Variants in ZBTB10 observed in about 807,000 individuals in gnomAD.
The protein encoded by ZBTB10 is zinc finger and BTB domain containing 10, also known as zinc finger and BTB domain-containing protein 10.
In ZBTB10, 32 loss-of-function variants were observed where a neutral mutation model predicts 76.4. The ratio of observed to expected loss-of-function variants is 0.42; its 90% CI spans 0.32 to 0.56. ZBTB10 has a LOEUF of 0.56. Among genes scored for constraint, ZBTB10 ranks in the 20% least tolerant of loss-of-function variants. The probability of loss-of-function intolerance (pLI) is 0.14; values close to 1 mark genes in which losing one functional copy is unlikely to be tolerated. For synonymous variants in ZBTB10, 523 were observed against 432.9 expected (o/e 1.21, Z -2.58); for missense variants, 1,057 against 1,098.5 (o/e 0.96, Z 0.53).
chr8:80,495,717 C>T (rs1358794079), intron 1 of ZBTB10, among the ~76,000 whole-genome samples: 1 of 152,080 alleles, frequency 6.6e-6, no homozygotes, highest in East Asian at 1.9e-4. Flanking sequence ...ACTTTTCAAG[C>T]ATTTTCCTTT....
Position 80,486,763 on chromosome 8 carries a change from G to T in ZBTB10, c.-48G>T, listed in dbSNP as rs1179395067. The T allele has an allele frequency of 7.7e-7, 1 of 1,301,924 alleles. No homozygotes were observed. The highest frequency in any genetic ancestry group is 9.7e-7 in the Non-Finnish European group (1 of 1,026,134). The allele number at this position is 1,301,924 out of a possible 1,614,324, so 80.6% of individuals were successfully genotyped here. A position where few individuals can be genotyped will look rare whatever the true frequency, so the allele number is the denominator to read the frequency against. ...GGGAGCGCGCGGGACGCGGCCCGAGGCCGTGCGCGAGCCGGGGCACCGGGC... is the reference window on the plus strand; with the variant it reads ...GGGAGCGCGCGGGACGCGGCCCGAGTCCGTGCGCGAGCCGGGGCACCGGGC... On this transcript the variant is annotated 5_prime_UTR_variant, in exon 1 of 6. Transcript: ENST00000455036.
At chr8:80,515,310 T>C (rs1234795657) in intron 3 of ZBTB10, among the ~76,000 whole-genome samples, 1 of 152,184 alleles carries the variant, frequency 6.6e-6, no homozygotes, top group Non-Finnish European at 1.5e-5. Context: ...TTTATTAGCT[T>C]TGGAATTCTT....
intron 1 of ZBTB10, 114 bp from the exon 2 acceptor site, chr8:80,499,380 A>T: frequency 8.5e-7 from 1 of 1,182,032 alleles, no homozygotes; most frequent in Middle Eastern, 2.6e-4. Context: ...GATTACTCAC[A>T]AATTAATATA....
intron 2 of ZBTB10, among the ~76,000 whole-genome samples, chr8:80,509,947 G>A (rs191755715): frequency 1.3e-5 from 2 of 152,106 alleles, no homozygotes; most frequent in Non-Finnish European, 1.5e-5. Flanking sequence ...CATTGTACCC[G>A]TCCTTCCATG....
upstream of ZBTB10, chr8:80,486,058 C>T (rs993606488): frequency 1.9e-6 from 2 of 1,042,278 alleles, no homozygotes; most frequent in Non-Finnish European, 2.6e-6. Context: ...CGCACCCCCG[C>T]CCCCAGGCCG....
chr8:80,499,475 G>T lies in ZBTB10; in HGVS notation c.973-19G>T. The T allele has an allele frequency of 6.5e-7, 1 of 1,539,072 alleles. No homozygotes were observed. The highest frequency in any genetic ancestry group is 8.7e-7 in the Non-Finnish European group (1 of 1,145,880). On this transcript the variant is annotated intron_variant, in intron 1 of 5. Coordinates refer to ENST00000455036, the MANE Select transcript of ZBTB10 (RefSeq NM_001105539.3). Reference sequence around the variant, plus strand: ...AAAGTCAATAAAGTTTAATATTAATGTTTTTTATCCAATTACAGGAGTCAG... The same window carrying T: ...AAAGTCAATAAAGTTTAATATTAATTTTTTTTATCCAATTACAGGAGTCAG...
At chr8:80,485,992 AG>A, upstream of ZBTB10, 1 of 891,196 alleles carries the variant, frequency 1.1e-6, no homozygotes, top group Non-Finnish European at 1.5e-6. Flanking sequence ...TGAGACCCCC[AG>A]CCCGCCGCCC....
rs1815666851 is a variant in ZBTB10, at chr8:80,492,866, A to G, written c.972+5084A>G. Among the ~76,000 whole-genome samples the G allele has an allele frequency of 2.0e-5, 3 of 152,102 alleles. No homozygotes were observed. In the South Asian group the frequency reaches 6.2e-4, roughly 31 times the overall value. ...CTTGAATTTTAATTGCATTTAATTA[A>G]TAGGTGTTGACCAGGATGGGGAGGG... On this transcript the variant is annotated intron_variant, in intron 1 of 5. Transcript: ENST00000455036.
intron 2 of ZBTB10, among the ~76,000 whole-genome samples, chr8:80,501,268 TTTC>T (rs1815917430): frequency 1.3e-5 from 2 of 152,232 alleles, no homozygotes; most frequent in Admixed American, 1.3e-4. Flanking sequence ...CTCTGAGGCC[TTTC>T]TCTTCAATAT....
intron 1 of ZBTB10, among the ~76,000 whole-genome samples, chr8:80,488,141 TTAGAG>T (rs1287081700): frequency 2.0e-5 from 3 of 152,222 alleles, no homozygotes; most frequent in Non-Finnish European, 4.4e-5. Context: ...AGCTGTGATT[TTAGAG>T]AAGCTGGTCT....
chr8:80,485,610 A>C, upstream of ZBTB10: 1 of 535,586 alleles, frequency 1.9e-6, no homozygotes, highest in Non-Finnish European at 3.3e-6. Context: ...GGGGCGGTGC[A>C]TTTTCTGTGA....
rs964327834 is a variant in ZBTB10 at position 80,520,473 on chromosome 8, A to G, written c.*945A>G. 8.5e-5 allele frequency: 13 copies of G among 152,508 alleles called. No homozygotes were observed. The highest frequency in any genetic ancestry group is 2.9e-4 in the African/African-American group (12 of 41,440). The allele number at this position is 152,508 out of a possible 1,614,324, so 9.4% of individuals were successfully genotyped here. ...GAAAGACCTAATTGAAAGAAAAATC[A>G]TAGAAATAAGTAAAATGATTTGTTT... is the stretch of plus-strand genomic sequence containing the variant. On this transcript the variant is annotated 3_prime_UTR_variant, in exon 6 of 6. Transcript: ENST00000455036.
chr8:80,506,636 A>G (rs1411220166), intron 2 of ZBTB10, among the ~76,000 whole-genome samples: 3 of 148,526 alleles, frequency 2.0e-5, no homozygotes, highest in African/African-American at 7.6e-5. Flanking sequence ...CCCTGCAAAT[A>G]TTCATGTTTT....
rs1816465999 is a variant in ZBTB10, at chr8:80,522,343, A to G, written c.*2815A>G. ...GGCGAAGTTGTCTCTTGTAATTTAT[A>G]TTTTAAATGAAAAAGTATTTTAGAG... On this transcript the variant is annotated 3_prime_UTR_variant, in exon 6 of 6. Transcript: ENST00000455036. The G allele has an allele frequency of 6.6e-6, 1 of 151,932 alleles. No homozygotes were observed. The highest frequency in any genetic ancestry group is 2.1e-4 in the South Asian group (1 of 4,830). 9.4% of individuals were successfully genotyped at this position (151,932 alleles called of 1,614,324 possible). A position where few individuals can be genotyped will look rare whatever the true frequency, so the allele number is the denominator to read the frequency against.
At chr8:80,519,083 C>G in intron 5 of ZBTB10, 129 bp downstream of exon 5, 1 of 1,398,976 alleles carries the variant, frequency 7.1e-7, no homozygotes, top group Non-Finnish European at 9.5e-7. Flanking sequence ...AACAGTTTGA[C>G]TTTATGAACT....
chr8:80,493,321 A>C lies in ZBTB10; in HGVS notation c.972+5539A>C, dbSNP rs542854109. On this transcript the variant is annotated intron_variant, in intron 1 of 5. Coordinates refer to ENST00000455036, the MANE Select transcript of ZBTB10 (RefSeq NM_001105539.3). ...TGTGCAGGATGAAAAATCAAGTTTGAATAGATAGACTGGAGGTCATGGAGG... is the reference window on the plus strand; with the variant it reads ...TGTGCAGGATGAAAAATCAAGTTTGCATAGATAGACTGGAGGTCATGGAGG... Among the ~76,000 whole-genome samples the C allele has an allele frequency of 5.3e-5, 8 of 152,066 alleles. No individual in the cohort carries two copies. The South Asian group carries it at 1.5e-3, about 28-fold the overall frequency.
At chr8:80,515,906 G>C (rs1816314899) in intron 3 of ZBTB10, among the ~76,000 whole-genome samples, 1 of 152,106 alleles carries the variant, frequency 6.6e-6, no homozygotes, top group Non-Finnish European at 1.5e-5. Context: ...CCTTTATTTA[G>C]GCCACTCTTG....
chr8:80,487,516 C>G lies in ZBTB10; in HGVS notation c.706C>G (p.Leu236Val). 1 of 1,565,542 alleles carries G rather than the reference C, an allele frequency of 6.4e-7. No homozygotes were observed. Among genetic ancestry groups the G allele is most frequent in the Non-Finnish European group, 8.7e-7 (1 of 1,154,770 alleles). Residue 236 changes from leucine (L) to valine (V), a missense_variant, in exon 1 of 6, where the codon CTC (leucine) becomes GTC (valine). Physicochemically the swap from Leu to Val is conservative, Grantham distance 32. Around this residue, in one of 5 missense-constraint regions of ZBTB10, gnomAD observed 556 missense variants for 451.7 expected, o/e 1.23. Transcript: ENST00000455036. ...GEGETVQHFP[L>V]ARPKSLMQKL... Reference sequence around the variant, plus strand: ...AGGAGAGACTGTCCAGCACTTCCCGCTCGCGCGGCCCAAGTCTCTAATGCA... The same window carrying G: ...AGGAGAGACTGTCCAGCACTTCCCGGTCGCGCGGCCCAAGTCTCTAATGCA...
chr8:80,504,177 C>T (rs1815993899), intron 2 of ZBTB10, among the ~76,000 whole-genome samples: 1 of 152,142 alleles, frequency 6.6e-6, no homozygotes, highest in East Asian at 1.9e-4. Flanking sequence ...TTATGATCCC[C>T]TTCATCATTA....
Sources: gnomAD v4.1 joint callset for allele counts (sites outside exome capture counted in the v4.1 genomes callset) on GRCh38, gnomAD v4.1.1 for gene constraint, gnomAD v4.1.1 regional missense constraint, MANE v1.5 for transcripts, NCBI Gene and HGNC (gene_info 2026-07-23, HGNC 2026-07-21) for gene names.